The following NEK7 variants were observed in gnomAD, a reference collection of about 807,000 sequenced individuals.
The protein encoded by NEK7 is NIMA related kinase 7.
A neutral mutation model predicts 44.6 loss-of-function variants in NEK7; 18 were observed. The ratio of observed to expected loss-of-function variants is 0.40; its 90% CI spans 0.28 to 0.60. The LOEUF (loss-of-function observed/expected upper bound fraction) is 0.60. Among genes scored for constraint, NEK7 ranks in the 20% least tolerant of loss-of-function variants. The probability of loss-of-function intolerance (pLI) is 0.38; values close to 1 mark genes in which losing one functional copy is unlikely to be tolerated. For missense variants in NEK7, 256 were observed against 366.5 expected, an observed-to-expected ratio of 0.70 and a Z score of 2.46; for synonymous variants, 130 against 121.1, an observed-to-expected ratio of 1.07 and a Z score of -0.48.
chr1:198,287,173 A>C (rs1654396857), intron 7 of NEK7, among the ~76,000 whole-genome samples: 1 of 152,154 alleles, frequency 6.6e-6, no homozygotes, highest in African/African-American at 2.4e-5. Flanking sequence ...AATTAGGTGA[A>C]ATTGTTTAAA....
chr1:198,318,391 A>G (rs866021313), intron 9 of NEK7, among the ~76,000 whole-genome samples: 2 of 152,178 alleles, frequency 1.3e-5, no homozygotes, highest in Non-Finnish European at 1.5e-5. Context: ...CCTTCTCCAT[A>G]GCACTAGCAA....
intron 1 of NEK7, among the ~76,000 whole-genome samples, chr1:198,205,496 G>A (rs1042042883): frequency 3.3e-5 from 5 of 152,176 alleles, no homozygotes; most frequent in African/African-American, 1.2e-4. Context: ...CTCCATGGGT[G>A]ATTCTGATAG....
At chr1:198,165,418 G>T (rs1253742156) in intron 1 of NEK7, among the ~76,000 whole-genome samples, 1 of 152,180 alleles carries the variant, frequency 6.6e-6, no homozygotes, top group African/African-American at 2.4e-5. Flanking sequence ...ATTATTCCTT[G>T]ATCCGTGGGC....
intron 9 of NEK7, among the ~76,000 whole-genome samples, chr1:198,301,570 G>A (rs544324946): frequency 1.3e-4 from 20 of 152,274 alleles, no homozygotes; most frequent in Admixed American, 8.5e-4. Context: ...AAACAAAAAA[G>A]CATAACATTT....
intron 1 of NEK7, among the ~76,000 whole-genome samples, chr1:198,191,707 T>C (rs1177462147): frequency 6.6e-6 from 1 of 152,130 alleles, no homozygotes; most frequent in Admixed American, 6.6e-5. Context: ...CTAGATGTTG[T>C]GAAGAAATAC....
chr1:198,233,644 G>A (rs1385082231), intron 2 of NEK7, among the ~76,000 whole-genome samples: 1 of 151,742 alleles, frequency 6.6e-6, no homozygotes, highest in African/African-American at 2.4e-5. Context: ...CTTTGTGGCA[G>A]TACTTCCTCA....
At chr1:198,307,727 C>A (rs1243635584) in intron 9 of NEK7, among the ~76,000 whole-genome samples, 4 of 152,134 alleles carry the variant, frequency 2.6e-5, no homozygotes, top group Admixed American at 1.3e-4. Context: ...TTACTTTCTC[C>A]ATTCTATGAT....
intron 3 of NEK7, among the ~76,000 whole-genome samples, chr1:198,259,126 T>C (rs1335684652): frequency 6.6e-6 from 1 of 152,194 alleles, no homozygotes; most frequent in African/African-American, 2.4e-5. Context: ...TTTGATATTA[T>C]TGAAAATTCA....
intron 1 of NEK7, among the ~76,000 whole-genome samples, chr1:198,174,561 A>G (rs1223262678): frequency 6.6e-6 from 1 of 152,164 alleles, no homozygotes; most frequent in African/African-American, 2.4e-5. Context: ...TGACTAACTC[A>G]GGTCCTAAGA....
chr1:198,163,897 T>G (rs1417255252), intron 1 of NEK7, among the ~76,000 whole-genome samples: 2 of 152,218 alleles, frequency 1.3e-5, no homozygotes, highest in Non-Finnish European at 2.9e-5. Context: ...TTTTTATTGT[T>G]GAATGACATA....
intron 1 of NEK7, among the ~76,000 whole-genome samples, chr1:198,177,457 T>C (rs903608984): frequency 6.6e-6 from 1 of 152,146 alleles, no homozygotes; most frequent in Non-Finnish European, 1.5e-5. Flanking sequence ...TTTTTTATTT[T>C]CAACGTTCAG....
chr1:198,279,746 G>T (rs904874380), intron 7 of NEK7, among the ~76,000 whole-genome samples: 4 of 151,600 alleles, frequency 2.6e-5, no homozygotes, highest in African/African-American at 9.7e-5. Flanking sequence ...CTTTTAAATG[G>T]CCTGATGAGG....
At chr1:198,173,347 T>TGAGCAAAG (rs1664507461) in intron 1 of NEK7, among the ~76,000 whole-genome samples, 2 of 151,728 alleles carry the variant, frequency 1.3e-5, no homozygotes, top group Admixed American at 1.3e-4. Context: ...GAGGATTGCT[T>TGAGCAAAG]GAGCAAAGGA....
chr1:198,188,879 T>A (rs904803622), intron 1 of NEK7, among the ~76,000 whole-genome samples: 4 of 152,120 alleles, frequency 2.6e-5, no homozygotes, highest in African/African-American at 9.7e-5. Flanking sequence ...AAAAGAAAAC[T>A]GATGCTCACA....
At position 198,321,923 on chromosome 1, in the gene NEK7, A is replaced by G. The variant is rs1303565642; in HGVS notation, c.*2401A>G. 6.6e-6 allele frequency: 1 copy of G among 152,146 alleles called. No homozygotes were observed. The highest frequency in any genetic ancestry group is 1.5e-5 in the Non-Finnish European group (1 of 67,968). The allele number at this position is 152,146 out of a possible 1,614,324, so 9.4% of individuals were successfully genotyped here. A position where few individuals can be genotyped will look rare whatever the true frequency, so the allele number is the denominator to read the frequency against. ...TATCTATTCTAAACCTTATTTAGAC[A>G]TTGGTACCAGTTACCCAGGTGAAAA... On this transcript the variant is annotated 3_prime_UTR_variant, in exon 10 of 10. Transcript: ENST00000367385.
At chr1:198,226,309 C>T (rs898445558) in intron 1 of NEK7, among the ~76,000 whole-genome samples, 1 of 152,006 alleles carries the variant, frequency 6.6e-6, no homozygotes, top group African/African-American at 2.4e-5. Flanking sequence ...CTTTGGGAGG[C>T]CAAGGCGGGT....
At chr1:198,256,434 C>T (rs767525187) in intron 3 of NEK7, 3 of 1,610,338 alleles carry the variant, frequency 1.9e-6, no homozygotes, top group Non-Finnish European at 2.5e-6. Flanking sequence ...GCAACATTAA[C>T]CAATCTTTTT....
At chr1:198,239,845 G>A (rs889882598) in intron 2 of NEK7, among the ~76,000 whole-genome samples, 1 of 152,130 alleles carries the variant, frequency 6.6e-6, no homozygotes, top group Non-Finnish European at 1.5e-5. Context: ...ACCATAGAGT[G>A]CACTTCCACA....
chr1:198,197,395 A>G (rs1665273190), intron 1 of NEK7, among the ~76,000 whole-genome samples: 1 of 151,612 alleles, frequency 6.6e-6, no homozygotes, highest in Non-Finnish European at 1.5e-5. Context: ...CTTTTCTTTG[A>G]AAATGTGGAT....
Sources: allele counts gnomAD v4.1 joint callset (sites outside exome capture counted in the v4.1 genomes callset), GRCh38; gene constraint gnomAD v4.1.1; transcripts MANE v1.5; gene names NCBI Gene and HGNC (gene_info 2026-07-23, HGNC 2026-07-21).